The following RBFOX3 variants were observed in gnomAD, a reference collection of about 807,000 sequenced individuals.
The protein encoded by RBFOX3 is RNA binding fox-1 homolog 3, also known as RNA binding protein fox-1 homolog 3.
Under a neutral mutation model 48.7 loss-of-function variants are expected in RBFOX3, and 17 were observed. The ratio of observed to expected loss-of-function variants is 0.35; its 90% CI spans 0.24 to 0.52. The LOEUF is 0.52. RBFOX3 is among the 20% of genes least tolerant of loss of function. RBFOX3 has a pLI of 0.94. For missense variants in RBFOX3, 382 were observed against 497.5 expected (o/e 0.77, Z 2.21); for synonymous variants, 212 against 209.5 (o/e 1.01, Z -0.10).
At chr17:79,352,906 T>C (rs1013089582) in intron 2 of RBFOX3, among the ~76,000 whole-genome samples, 1 of 152,208 alleles carries the variant, frequency 6.6e-6, no homozygotes, top group African/African-American at 2.4e-5. Context: ...CTCATTGACA[T>C]TGACTGGCAC....
chr17:79,130,016 G>A (rs2038408778), intron 4 of RBFOX3, among the ~76,000 whole-genome samples: 2 of 152,304 alleles, frequency 1.3e-5, no homozygotes, highest in Non-Finnish European at 2.9e-5. Context: ...GGACCGGGAG[G>A]AGGCTGGGCA....
In RBFOX3 at chr17:79,220,271, C is replaced by T. The variant is rs372629613; in HGVS notation, c.-34+15495G>A. ...ACCCAATCAGGGAAGCGGCCGCTGG[C>T]GGCAGGTTGGTGGGGGTAGGGGCTT... On this transcript the variant is annotated intron_variant, in intron 4 of 14. Transcript: ENST00000693108. This position sits in a 1 kb window ranked among gnomAD's most constrained non-coding sequence, Gnocchi z 5.9. 8.9e-4 allele frequency among the ~76,000 whole-genome samples: 135 copies of T among 152,296 alleles called. 2 individuals carry two copies. The South Asian group carries it at 0.025, about 28-fold the overall frequency.
Position 79,148,498 on chromosome 17 carries a change from A to AC in RBFOX3, c.-33-32751dup, listed in dbSNP as rs144807059. ...ACAGGAGGAGGGAGAAGCACCCCAC[A>AC]CCCCCCCAGACCATGGTTCCAATCC... is the stretch of plus-strand genomic sequence containing the variant. On this transcript the variant is annotated intron_variant, in intron 4 of 14. Coordinates refer to ENST00000693108, the MANE Select transcript of RBFOX3 (RefSeq NM_001350451.2). Among the ~76,000 whole-genome samples the AC allele has an allele frequency of 3.5e-3, 530 of 150,216 alleles. 5 individuals carry two copies. Among genetic ancestry groups the AC allele is most frequent in the African/African-American group, 0.012 (499 of 40,742 alleles).
the RBFOX3 span, among the ~76,000 whole-genome samples, chr17:79,624,214 C>A: frequency 7.2e-5 from 11 of 152,302 alleles, no homozygotes; most frequent in East Asian, 1.7e-3. Context: ...ACGCTTCAAC[C>A]ACCCCAGTAC....
At chr17:79,365,526 C>T (rs761886992) in intron 2 of RBFOX3, among the ~76,000 whole-genome samples, 2 of 152,248 alleles carry the variant, frequency 1.3e-5, no homozygotes, top group Admixed American at 6.5e-5. Context: ...GGCGCTCCCA[C>T]GCGAACACCA....
chr17:79,571,365 C>T (rs1200639427), intron 1 of RBFOX3, among the ~76,000 whole-genome samples: 2 of 152,176 alleles, frequency 1.3e-5, no homozygotes, highest in Admixed American at 1.3e-4. Context: ...TCAAGCCTGG[C>T]TAGGACAGGC....
chr17:79,227,729 G>A (rs190330415), intron 4 of RBFOX3, among the ~76,000 whole-genome samples: 1 of 152,302 alleles, frequency 6.6e-6, no homozygotes, highest in Admixed American at 6.5e-5. Context: ...GATGCAGGCA[G>A]GTGGCCTCAG....
the RBFOX3 span, among the ~76,000 whole-genome samples, chr17:79,654,532 C>T: frequency 0.024 from 3,613 of 152,292 alleles, 153 homozygotes; most frequent in African/African-American, 0.082. Flanking sequence ...AAAAAGTCTA[C>T]GGCCCAGCTG....
At chr17:79,099,059 T>A (rs1033083326) in intron 9 of RBFOX3, 10 of 152,310 alleles carry the variant, frequency 6.6e-5, no homozygotes, top group African/African-American at 2.2e-4. Flanking sequence ...ACCTTGTGTC[T>A]GGACGCCATT....
At chr17:79,147,826 G>T (rs985686360) in intron 4 of RBFOX3, among the ~76,000 whole-genome samples, 1 of 152,362 alleles carries the variant, frequency 6.6e-6, no homozygotes, top group South Asian at 2.1e-4. Flanking sequence ...TTTGCCAAGC[G>T]CCTTCGATCC....
intron 3 of RBFOX3, among the ~76,000 whole-genome samples, chr17:79,301,547 C>T (rs1381679595): frequency 6.6e-6 from 1 of 152,232 alleles, no homozygotes. Context: ...CAGGCTCTGC[C>T]TTTATGTGGG....
intron 4 of RBFOX3, among the ~76,000 whole-genome samples, chr17:79,231,192 C>T (rs963750966): frequency 6.6e-6 from 1 of 152,132 alleles, no homozygotes; most frequent in African/African-American, 2.4e-5. Context: ...GGGGAGAAGA[C>T]AGCTGGACAG....
chr17:79,135,566 C>G (rs1439791212), intron 4 of RBFOX3, among the ~76,000 whole-genome samples: 1 of 152,196 alleles, frequency 6.6e-6, no homozygotes, highest in Non-Finnish European at 1.5e-5. Context: ...CTGCCCATGA[C>G]TGGCCCGACC....
chr17:79,545,062 T>A (rs916098692), intron 1 of RBFOX3, among the ~76,000 whole-genome samples: 3 of 149,404 alleles, frequency 2.0e-5, no homozygotes, highest in African/African-American at 7.4e-5. Flanking sequence ...AAAACAAGAA[T>A]GAATCCTGGG....
chr17:79,197,837 A>C lies in RBFOX3; in HGVS notation c.-34+37929T>G, dbSNP rs558856798. Among the ~76,000 whole-genome samples, 276 of 152,022 alleles carry C rather than the reference A, an allele frequency of 1.8e-3. 1 individual carries two copies. Among genetic ancestry groups the C allele is most frequent in the Middle Eastern group, 3.4e-3 (1 of 294 alleles). ...GCAGAGAGGGACGGAGAAAACACCA[A>C]TCTAACCTCCCAAACCACGGGCAAG... On this transcript the variant is annotated intron_variant, in intron 4 of 14. Transcript: ENST00000693108.
At chr17:79,510,319 T>C (rs1255697627) in intron 1 of RBFOX3, among the ~76,000 whole-genome samples, 1 of 152,172 alleles carries the variant, frequency 6.6e-6, no homozygotes, top group Non-Finnish European at 1.5e-5. Context: ...TTAAATACTT[T>C]GTACCTGACC....
chr17:79,554,479 A>C (rs2091448118), intron 1 of RBFOX3, among the ~76,000 whole-genome samples: 2 of 144,096 alleles, frequency 1.4e-5, no homozygotes, highest in East Asian at 2.2e-4. Context: ...GGCCCTCTCC[A>C]TCTTCACTCA....
At chr17:79,327,144 T>G (rs535331759) in intron 2 of RBFOX3, among the ~76,000 whole-genome samples, 1 of 152,196 alleles carries the variant, frequency 6.6e-6, no homozygotes, top group Non-Finnish European at 1.5e-5. Context: ...CCCCCACACC[T>G]TCCCCACAAG....
intron 2 of RBFOX3, among the ~76,000 whole-genome samples, chr17:79,425,145 A>G (rs1406328100): frequency 6.6e-6 from 1 of 152,074 alleles, no homozygotes; most frequent in Non-Finnish European, 1.5e-5. Context: ...CTCCAGGAGC[A>G]TGGGTTTCTG....
Sources: allele counts gnomAD v4.1 joint callset (sites outside exome capture counted in the v4.1 genomes callset), GRCh38; gene constraint gnomAD v4.1.1; non-coding constraint Gnocchi (gnomAD v3.1); transcripts MANE v1.5; gene names NCBI Gene and HGNC (gene_info 2026-07-23, HGNC 2026-07-21).